Variants in NBEA observed in about 807,000 individuals in gnomAD.
NBEA encodes the protein neurobeachin.
Under a neutral mutation model 343.4 loss-of-function variants are expected in NBEA, and 44 were observed. The ratio of observed to expected loss-of-function variants is 0.13; its 90% confidence interval spans 0.10 to 0.16. The LOEUF is 0.16. Among genes scored for constraint, NBEA ranks in the 10% least tolerant of loss-of-function variants. The pLI, the probability that NBEA is intolerant of heterozygous loss-of-function variation, is 1.00. For synonymous variants in NBEA, 1,175 were observed against 1,238.7 expected, an observed-to-expected ratio of 0.95 and a Z score of 1.08; for missense variants, 2,555 against 3,631.3, an observed-to-expected ratio of 0.70 and a Z score of 7.62.
At chr13:35,108,484 C>A (rs149501715) in intron 11 of NBEA, among the ~76,000 whole-genome samples, 5 of 151,836 alleles carry the variant, frequency 3.3e-5, no homozygotes, top group African/African-American at 1.2e-4. Flanking sequence ...ATTTTAATAA[C>A]GTATTTAGCC....
intron 10 of NBEA, among the ~76,000 whole-genome samples, chr13:35,088,600 AAC>A (rs1208430002): frequency 1.3e-5 from 2 of 151,978 alleles, no homozygotes; most frequent in African/African-American, 2.4e-5. Flanking sequence ...TATGAAAGAT[AAC>A]TAAGAATTAG....
intron 38 of NBEA, among the ~76,000 whole-genome samples, chr13:35,401,461 G>T (rs1406496037): frequency 1.3e-5 from 2 of 151,974 alleles, no homozygotes; most frequent in South Asian, 4.1e-4. Context: ...AGGAAATGTT[G>T]AGTACCCAAA....
At chr13:35,082,538 T>C (rs185663130) in intron 10 of NBEA, among the ~76,000 whole-genome samples, 21 of 152,202 alleles carry the variant, frequency 1.4e-4, no homozygotes, top group East Asian at 1.9e-4. Flanking sequence ...CCACCAACAG[T>C]GTAAAAGTGT....
chr13:35,114,819 G>A (rs879336122), intron 13 of NBEA, among the ~76,000 whole-genome samples: 2 of 151,930 alleles, frequency 1.3e-5, no homozygotes, highest in Non-Finnish European at 2.9e-5. Context: ...AATTAATTTT[G>A]TTATATAGTA....
chr13:35,365,624 CACTT>C (rs1402059064), intron 38 of NBEA, among the ~76,000 whole-genome samples: 1 of 151,592 alleles, frequency 6.6e-6, no homozygotes, highest in African/African-American at 2.4e-5. Flanking sequence ...AATTTCTTGA[CACTT>C]GCTGCGATTT....
At chr13:35,420,826 G>C (rs1046243213) in intron 38 of NBEA, among the ~76,000 whole-genome samples, 2 of 151,886 alleles carry the variant, frequency 1.3e-5, no homozygotes, top group African/African-American at 4.8e-5. Context: ...GATGTCTTCA[G>C]AGTCACTAGT....
intron 33 of NBEA, among the ~76,000 whole-genome samples, chr13:35,213,657 T>C (rs2152755135): frequency 6.6e-6 from 1 of 152,030 alleles, no homozygotes; most frequent in African/African-American, 2.4e-5. Flanking sequence ...GTGGAAGTCT[T>C]AGATGTTTCT....
chr13:35,603,776 C>A (rs1202601710), intron 47 of NBEA, among the ~76,000 whole-genome samples: 3 of 152,146 alleles, frequency 2.0e-5, no homozygotes, highest in Admixed American at 6.6e-5. Context: ...ACACTCCCAA[C>A]CGAGCAGCTG....
intron 38 of NBEA, among the ~76,000 whole-genome samples, chr13:35,410,829 C>CTT (rs200896604): frequency 0.03 from 4,544 of 152,236 alleles, 97 homozygotes; most frequent in Non-Finnish European, 0.045. Context: ...CATAGAAACT[C>CTT]TGAAAATTGC....
chr13:34,961,119 T>G (rs2059647601), intron 1 of NBEA, among the ~76,000 whole-genome samples: 1 of 152,084 alleles, frequency 6.6e-6, no homozygotes, highest in African/African-American at 2.4e-5. Flanking sequence ...ATTTTATATT[T>G]TAGAACCTTA....
intron 6 of NBEA, 71 bp downstream of exon 6, chr13:35,050,466 T>G: frequency 1.0e-5 from 14 of 1,393,642 alleles, no homozygotes; most frequent in Non-Finnish European, 1.3e-5. Context: ...TTATGAGCTC[T>G]GTAGTATTCT....
At chr13:35,563,532 C>T (rs543480965) in intron 44 of NBEA, among the ~76,000 whole-genome samples, 3 of 151,714 alleles carry the variant, frequency 2.0e-5, no homozygotes, top group Non-Finnish European at 4.4e-5. Flanking sequence ...ATTTTTAATT[C>T]AAATCAAATA....
intron 14 of NBEA, among the ~76,000 whole-genome samples, chr13:35,117,820 A>G (rs1348452998): frequency 1.3e-5 from 2 of 152,150 alleles, no homozygotes; most frequent in South Asian, 2.1e-4. Context: ...ATTTTATTGT[A>G]GTAGAATTTT....
At chr13:35,246,656 C>T (rs1593916082) in intron 34 of NBEA, among the ~76,000 whole-genome samples, 1 of 152,104 alleles carries the variant, frequency 6.6e-6, no homozygotes, top group Admixed American at 6.6e-5. Context: ...TTCTCTCAGT[C>T]GTGGATACCA....
At chr13:35,604,425 T>A (rs777724398) in intron 47 of NBEA, among the ~76,000 whole-genome samples, 9 of 152,092 alleles carry the variant, frequency 5.9e-5, no homozygotes, top group Non-Finnish European at 1.3e-4. Context: ...TCCCTCTCTT[T>A]AGCTCTGTTG....
chr13:34,950,860 G>A (rs1460095143), intron 1 of NBEA, among the ~76,000 whole-genome samples: 1 of 152,044 alleles, frequency 6.6e-6, no homozygotes, highest in African/African-American at 2.4e-5. Context: ...AGTCTGAGGT[G>A]GGAGGATTGC....
intron 1 of NBEA, among the ~76,000 whole-genome samples, chr13:35,028,399 A>G (rs1020058595): frequency 5.3e-5 from 8 of 151,870 alleles, no homozygotes; most frequent in African/African-American, 1.4e-4. Context: ...TACATAGACA[A>G]TTAATTTTTT....
chr13:35,250,690 A>G (rs1196281261), intron 34 of NBEA, among the ~76,000 whole-genome samples: 1 of 152,208 alleles, frequency 6.6e-6, no homozygotes, highest in African/African-American at 2.4e-5. Flanking sequence ...TTGCATGTGT[A>G]CACAAGAAGA....
chr13:35,219,700 G>T (rs1010349168), intron 33 of NBEA, among the ~76,000 whole-genome samples: 1 of 152,126 alleles, frequency 6.6e-6, no homozygotes, highest in Non-Finnish European at 1.5e-5. Flanking sequence ...AAGAGAGCCA[G>T]TGATACAAGT....
Sources: gnomAD v4.1 joint callset for allele counts (sites outside exome capture counted in the v4.1 genomes callset) on GRCh38, gnomAD v4.1.1 for gene constraint, MANE v1.5 for transcripts, NCBI Gene and HGNC (gene_info 2026-07-23, HGNC 2026-07-21) for gene names.